The following THY1 variants were observed in gnomAD, a reference collection of about 807,000 sequenced individuals.
THY1 encodes Thy-1 cell surface antigen, also known as thy-1 membrane glycoprotein.
THY1 carries 10 observed loss-of-function variants against 14.9 expected under a neutral mutation model. That is an observed-to-expected ratio of 0.67 (90% CI 0.41 to 1.14). The LOEUF (loss-of-function observed/expected upper bound fraction) is 1.14. Ranked by LOEUF, THY1 falls within the 50% of genes most tolerant of loss-of-function variation. THY1 has a pLI of 0.00. For synonymous variants in THY1, 80 were observed against 90.0 expected, an observed-to-expected ratio of 0.89 and a Z score of 0.63; for missense variants, 159 against 202.1, an observed-to-expected ratio of 0.79 and a Z score of 1.29.
chr11:119,421,076 A>G, intron 1 of THY1, 147 bp from the exon 2 acceptor site: 2 of 641,812 alleles, frequency 3.1e-6, no homozygotes, highest in Non-Finnish European at 5.4e-6. Context: ...CTCACTGAAC[A>G]TGATACTGCC....
At chr11:119,420,026 T>G in intron 3 of THY1, 25 bp downstream of exon 3, 1 of 1,595,532 alleles carries the variant, frequency 6.3e-7, no homozygotes, top group Non-Finnish European at 8.5e-7. Flanking sequence ...CCAGCTCACT[T>G]GACCTTGTTA....
At position 119,417,018 on chromosome 11, in the gene THY1, TCA is replaced by T. The variant is rs1441345945; in HGVS notation, c.*2388_*2389del. 6.6e-6 allele frequency among the ~76,000 whole-genome samples: 1 copy of T among 152,224 alleles called. No homozygotes were observed. The highest frequency in any genetic ancestry group is 1.5e-5 in the Non-Finnish European group (1 of 68,038). On this transcript the variant is annotated 3_prime_UTR_variant, in exon 4 of 4. Coordinates refer to ENST00000284240, the MANE Select transcript of THY1 (RefSeq NM_006288.5). ...GGAAGTGTCACACAGGTGCGAGGCT[TCA>T]CACAGTGCCGCTCATTTCCTTCCAG...
At position 119,422,586 on chromosome 11, in the gene THY1, A is replaced by C; in HGVS notation, c.-25+527T>G. 1.2e-5 allele frequency: 2 copies of C among 167,406 alleles called. No individual in the cohort carries two copies. The highest frequency in any genetic ancestry group is 2.5e-5 in the Non-Finnish European group (2 of 81,310). 10.4% of individuals were successfully genotyped at this position (167,406 alleles called of 1,614,324 possible). A position where few individuals can be genotyped will look rare whatever the true frequency, so the allele number is the denominator to read the frequency against. ...AATGAGTCCCCCTTCCCCCTCTCTC[A>C]TCCTTTTCCAGCTCTCCCCTCCCCC... On this transcript the variant is annotated intron_variant, in intron 1 of 3. Coordinates refer to ENST00000284240, the MANE Select transcript of THY1 (RefSeq NM_006288.5). The surrounding 1 kb of genome is among the most constrained non-coding windows in gnomAD (Gnocchi z 7.0).
Position 119,419,299 on chromosome 11 carries a change from C to A in THY1, c.*109G>T. 9.6e-7 allele frequency: 1 copy of A among 1,036,398 alleles called. No homozygotes were observed. Among genetic ancestry groups the A allele is most frequent in the South Asian group, 1.4e-5 (1 of 73,348 alleles). The allele number at this position is 1,036,398 out of a possible 1,614,324, so 64.2% of individuals were successfully genotyped here. A position where few individuals can be genotyped will look rare whatever the true frequency, so the allele number is the denominator to read the frequency against. The stretch of plus-strand genomic sequence containing the variant: ...CTCCTGATGAGGGGTGGGGTCCCCA[C>A]TTCTCCTCAAGGTTTGAGGGATTGG... On this transcript the variant is annotated 3_prime_UTR_variant, in exon 4 of 4. Transcript: ENST00000284240.
chr11:119,423,217 G>C (rs1012976586), upstream of THY1: 6 of 452,728 alleles, frequency 1.3e-5, no homozygotes, highest in East Asian at 7.0e-5. Context: ...ATGGAGGAGA[G>C]GGGGAGCGGG....
intron 1 of THY1, 68 bp from the exon 2 acceptor site, chr11:119,420,997 G>A: frequency 6.7e-7 from 1 of 1,484,936 alleles, no homozygotes; most frequent in Non-Finnish European, 9.4e-7. Flanking sequence ...GGGGGTCCCT[G>A]GGAACATGGC....
chr11:119,415,760 G>A lies in THY1; in HGVS notation c.*3648C>T, dbSNP rs1326520711. 1.3e-5 allele frequency among the ~76,000 whole-genome samples: 2 copies of A among 152,212 alleles called. No individual in the cohort carries two copies. The highest frequency in any genetic ancestry group is 6.5e-5 in the Admixed American group (1 of 15,284). The stretch of plus-strand genomic sequence containing the variant: ...GCACAGGACATGTTTCTCCTTGAGT[G>A]TGTTGGGGACATTCCAGGCCTGAGA... On this transcript the variant is annotated 3_prime_UTR_variant, in exon 4 of 4. Transcript: ENST00000284240.
At chr11:119,419,974 T>C in intron 3 of THY1, 77 bp downstream of exon 3, 1 of 1,454,418 alleles carries the variant, frequency 6.9e-7, no homozygotes, top group Admixed American at 2.1e-5. Context: ...TCCTCTCTAG[T>C]CCAGCCAAGG....
chr11:119,421,111 A>G, intron 1 of THY1, 182 bp from the exon 2 acceptor site: 5 of 555,266 alleles, frequency 9.0e-6, no homozygotes, highest in Non-Finnish European at 1.6e-5. Flanking sequence ...GCTCAGGGAA[A>G]GCAAGGAAGG....
Position 119,420,242 on chromosome 11 carries a change from T to C in THY1, c.182A>G (p.His61Arg). 6.2e-7 allele frequency: 1 copy of C among 1,614,266 alleles called. No homozygotes were observed. The highest frequency in any genetic ancestry group is 8.5e-7 in the Non-Finnish European group (1 of 1,180,046). The change falls in exon 3 of 4, where the codon CAC (histidine) becomes CGC (arginine). Residue 61 changes from histidine to arginine, a missense_variant. Coordinates refer to ENST00000284240, the MANE Select transcript of THY1 (RefSeq NM_006288.5). ...CACCCCCACAGTGCCAAAGAGCACG[T>C]GCTTCTTTGTCTCACGGGTCAGGCT... ...EFSLTRETKKHVLFGTVGVPE... is the reference protein window; with the variant it reads ...EFSLTRETKKRVLFGTVGVPE...
In THY1 at chr11:119,416,836, CT is replaced by C. The variant is rs1234444237; in HGVS notation, c.*2571del. Among the ~76,000 whole-genome samples the C allele has an allele frequency of 1.6e-4, 25 of 152,328 alleles. No homozygotes were observed. The East Asian group carries it at 4.6e-3, about 28-fold the overall frequency. ...GAAGTCCGTGGCCCTCTGGTGGCCTCTGTGGCTTCTTGAGCTAATCTCACCC... is the reference window on the plus strand; with the variant it reads ...GAAGTCCGTGGCCCTCTGGTGGCCTCGTGGCTTCTTGAGCTAATCTCACCC... On this transcript the variant is annotated 3_prime_UTR_variant, in exon 4 of 4. Coordinates refer to ENST00000284240, the MANE Select transcript of THY1 (RefSeq NM_006288.5).
chr11:119,420,824 G>A (rs1425292897), intron 2 of THY1, 45 bp downstream of exon 2: 10 of 1,613,108 alleles, frequency 6.2e-6, no homozygotes, highest in East Asian at 2.2e-5. Context: ...TGGAGGGAAG[G>A]AAGCCAGGGC....
In THY1 at chr11:119,420,110, G is replaced by A. The variant is rs1215752944; in HGVS notation, c.314C>T (p.Ala105Val). ...TSKDEGTYTC[A>V]LHHSGHSPPI... is the part of the protein sequence containing the mutation. Reference sequence around the variant, plus strand: ...TGGGGAATGGCCAGAGTGGTGGAGTGCACACGTGTAGGTGCCCTCGTCCTT... The same window carrying A: ...TGGGGAATGGCCAGAGTGGTGGAGTACACACGTGTAGGTGCCCTCGTCCTT... Residue 105 changes from alanine to valine, a missense_variant, in exon 3 of 4, where the codon GCA (alanine) becomes GTA (valine). By Grantham distance (64) the Ala-to-Val change is moderately conservative. Coordinates refer to ENST00000284240, the MANE Select transcript of THY1 (RefSeq NM_006288.5). The A allele has an allele frequency of 6.2e-7, 1 of 1,614,260 alleles. No individual in the cohort carries two copies. The highest frequency in any genetic ancestry group is 8.5e-7 in the Non-Finnish European group (1 of 1,180,052).
rs1002041018 is a variant in THY1 at position 119,416,466 on chromosome 11, T to C, written c.*2942A>G. Reference sequence around the variant, plus strand: ...CAGTCCTCAGCATGGTCATTCCGGGTAGGTTTATTTTATTTTTTATTTTTT... The same window carrying C: ...CAGTCCTCAGCATGGTCATTCCGGGCAGGTTTATTTTATTTTTTATTTTTT... On this transcript the variant is annotated 3_prime_UTR_variant, in exon 4 of 4. Coordinates refer to ENST00000284240, the MANE Select transcript of THY1 (RefSeq NM_006288.5). 1.3e-5 allele frequency among the ~76,000 whole-genome samples: 2 copies of C among 151,804 alleles called. No individual in the cohort carries two copies. Among genetic ancestry groups the C allele is most frequent in the African/African-American group, 4.8e-5 (2 of 41,264 alleles).
chr11:119,420,745 C>A, intron 2 of THY1, 124 bp downstream of exon 2: 2 of 1,232,442 alleles, frequency 1.6e-6, no homozygotes, highest in Middle Eastern at 2.0e-4. Context: ...TGGCTGACTT[C>A]AGGATGAAAA....
rs916875132 is a variant in THY1 at position 119,418,713 on chromosome 11, A to G, written c.*695T>C. 1 of 153,434 alleles carries G rather than the reference A, an allele frequency of 6.5e-6. No individual in the cohort carries two copies. Among genetic ancestry groups the G allele is most frequent in the Admixed American group, 6.5e-5 (1 of 15,414 alleles). The allele number at this position is 153,434 out of a possible 1,614,324, so 9.5% of individuals were successfully genotyped here. A position where few individuals can be genotyped will look rare whatever the true frequency, so the allele number is the denominator to read the frequency against. On this transcript the variant is annotated 3_prime_UTR_variant, in exon 4 of 4. Coordinates refer to ENST00000284240, the MANE Select transcript of THY1 (RefSeq NM_006288.5). Reference sequence around the variant, plus strand: ...CCTTTACCTCCTTCTCCAACCCTCCACTAGCGCTGCTTTCCTGGTCAAACC... The same window carrying G: ...CCTTTACCTCCTTCTCCAACCCTCCGCTAGCGCTGCTTTCCTGGTCAAACC...
chr11:119,421,637 C>T (rs1000641271), intron 1 of THY1: 4 of 152,234 alleles, frequency 2.6e-5, no homozygotes, highest in Non-Finnish European at 5.9e-5. Flanking sequence ...TTAAGAAAAA[C>T]AACCAACATC....
At position 119,418,981 on chromosome 11, in the gene THY1, C is replaced by T. The variant is rs529295508; in HGVS notation, c.*427G>A. 73 of 316,398 alleles carry T rather than the reference C, an allele frequency of 2.3e-4. No individual in the cohort carries two copies. The highest frequency in any genetic ancestry group is 1.5e-3 in the African/African-American group (70 of 46,314). 19.6% of individuals were successfully genotyped at this position (316,398 alleles called of 1,614,324 possible). On this transcript the variant is annotated 3_prime_UTR_variant, in exon 4 of 4. Transcript: ENST00000284240. ...GTCCGTGCTAGGCCCAGGCACAGCC[C>T]AACCACTCCTCATCCAAGTCTCTCC...
rs1376735092 is a variant in THY1, at chr11:119,416,737, A to G, written c.*2671T>C. ...TTCCCAAAGTGGTGGGATTACAGGC[A>G]TGAGCCACTGTGCCCATCTCTGGGT... On this transcript the variant is annotated 3_prime_UTR_variant, in exon 4 of 4. Transcript: ENST00000284240. 6.6e-6 allele frequency among the ~76,000 whole-genome samples: 1 copy of G among 152,186 alleles called. No homozygotes were observed. Among genetic ancestry groups the G allele is most frequent in the East Asian group, 1.9e-4 (1 of 5,186 alleles).
Sources: gnomAD v4.1 joint callset for allele counts (sites outside exome capture counted in the v4.1 genomes callset) on GRCh38, gnomAD v4.1.1 for gene constraint, Gnocchi (gnomAD v3.1) non-coding constraint, MANE v1.5 for transcripts, NCBI Gene and HGNC (gene_info 2026-07-23, HGNC 2026-07-21) for gene names.